The following LNPEP variants were observed in gnomAD, a reference collection of about 807,000 sequenced individuals.
The protein encoded by LNPEP is leucyl and cystinyl aminopeptidase, also known as leucyl-cystinyl aminopeptidase.
Under a neutral mutation model 120.6 loss-of-function variants are expected in LNPEP, and 64 were observed. The observed-to-expected ratio is 0.53, with a 90% CI of 0.43 to 0.65. The LOEUF (loss-of-function observed/expected upper bound fraction) is 0.65, where lower values mean the gene tolerates loss of function less well. LNPEP is among the 30% of genes least tolerant of loss of function. The probability of loss-of-function intolerance (pLI) is 0.00; values close to 1 mark genes in which losing one functional copy is unlikely to be tolerated. For missense variants in LNPEP, 1,057 were observed against 1,200.0 expected (o/e 0.88, Z 1.76); for synonymous variants, 435 against 425.4 (o/e 1.02, Z -0.28).
intron 11 of LNPEP, 59 bp from the exon 12 acceptor site, chr5:97,013,587 ATT>A: frequency 3.2e-6 from 3 of 932,732 alleles, no homozygotes; most frequent in Non-Finnish European, 3.0e-6. Flanking sequence ...AGCACTCATA[ATT>A]TTTTTTTCTT....
intron 13 of LNPEP, among the ~76,000 whole-genome samples, chr5:97,017,492 A>G (rs1392510095): frequency 6.6e-6 from 1 of 152,070 alleles, no homozygotes; most frequent in Non-Finnish European, 1.5e-5. Context: ...CTAGCTTATG[A>G]AATCTTTTCC....
chr5:96,963,413 T>A (rs1310555603), intron 1 of LNPEP, among the ~76,000 whole-genome samples: 1 of 152,152 alleles, frequency 6.6e-6, no homozygotes, highest in Non-Finnish European at 1.5e-5. Flanking sequence ...CTTGTAGCAG[T>A]CATCATCTGG....
intron 11 of LNPEP, among the ~76,000 whole-genome samples, chr5:97,012,572 A>G (rs1790963797): frequency 6.6e-6 from 1 of 152,198 alleles, no homozygotes; most frequent in Non-Finnish European, 1.5e-5. Context: ...CAGTAAGCAA[A>G]ATAGTAAGCT....
chr5:96,984,358 G>A (rs553611323), intron 2 of LNPEP, among the ~76,000 whole-genome samples: 1 of 152,300 alleles, frequency 6.6e-6, no homozygotes, highest in East Asian at 1.9e-4. Context: ...GAGTCTTGAA[G>A]ACCTTCCTCT....
At chr5:96,995,240 T>G (rs1362988807) in intron 6 of LNPEP, among the ~76,000 whole-genome samples, 2 of 152,218 alleles carry the variant, frequency 1.3e-5, no homozygotes, top group Non-Finnish European at 2.9e-5. Context: ...ATCATCTTCC[T>G]CTGAAACAGG....
intron 1 of LNPEP, among the ~76,000 whole-genome samples, chr5:96,942,058 A>AAAT (rs1397812590): frequency 6.6e-6 from 1 of 152,186 alleles, no homozygotes; most frequent in Non-Finnish European, 1.5e-5. Context: ...CTCAGGGGAC[A>AAAT]AATGAGTTAA....
In LNPEP at chr5:96,954,616, C is replaced by A. The variant is rs867999482; in HGVS notation, c.19+18442C>A. Among the ~76,000 whole-genome samples, 42 of 68,564 alleles carry A rather than the reference C, an allele frequency of 6.1e-4. 5 individuals carry two copies. Among genetic ancestry groups the A allele is most frequent in the Middle Eastern group, 0.014 (2 of 148 alleles). 45.0% of individuals were successfully genotyped at this position (68,564 alleles called of 152,430 possible). ...CTTGCAAGTCTCTCTCTCTCTCTCT[C>A]TCTATATATATATATACATATATAC... On this transcript the variant is annotated intron_variant, in intron 1 of 17. Coordinates refer to ENST00000231368, the MANE Select transcript of LNPEP (RefSeq NM_005575.3).
intron 1 of LNPEP, among the ~76,000 whole-genome samples, chr5:96,950,013 T>C (rs1000581806): frequency 3.3e-5 from 5 of 152,192 alleles, no homozygotes; most frequent in Non-Finnish European, 7.4e-5. Flanking sequence ...TCCAAATCAT[T>C]TTTTGGAACA....
At chr5:96,991,526 T>C (rs961589219) in intron 4 of LNPEP, among the ~76,000 whole-genome samples, 7 of 152,104 alleles carry the variant, frequency 4.6e-5, no homozygotes, top group African/African-American at 1.7e-4. Flanking sequence ...GTGGTATCGC[T>C]TTGTGGTTTT....
At chr5:96,975,721 T>G (rs147410098) in intron 1 of LNPEP, among the ~76,000 whole-genome samples, 2 of 152,164 alleles carry the variant, frequency 1.3e-5, no homozygotes, top group African/African-American at 4.8e-5. Context: ...TTATACATTA[T>G]TAAATTCAAT....
chr5:97,009,747 T>C (rs932529288), intron 11 of LNPEP, among the ~76,000 whole-genome samples: 1 of 152,250 alleles, frequency 6.6e-6, no homozygotes, highest in Admixed American at 6.5e-5. Flanking sequence ...TGAAAACTTC[T>C]GTCCTTACGT....
At chr5:96,979,092 T>C in intron 1 of LNPEP, 46 bp from the exon 2 acceptor site, 1 of 1,526,026 alleles carries the variant, frequency 6.6e-7, no homozygotes, top group Middle Eastern at 1.8e-4. Context: ...TTATGAGCTT[T>C]TTTTTTTCTA....
intron 1 of LNPEP, among the ~76,000 whole-genome samples, chr5:96,951,319 C>T (rs1789317690): frequency 6.6e-6 from 1 of 151,804 alleles, no homozygotes. Context: ...AGTGCAGTGG[C>T]GCGATCTCAG....
At position 96,945,977 on chromosome 5, in the gene LNPEP, G is replaced by A. The variant is rs551347965; in HGVS notation, c.19+9803G>A. 2.0e-5 allele frequency among the ~76,000 whole-genome samples: 3 copies of A among 152,302 alleles called. No homozygotes were observed. The South Asian group carries it at 6.2e-4, about 32-fold the overall frequency. On this transcript the variant is annotated intron_variant, in intron 1 of 17. Transcript: ENST00000231368. ...AAAGTGCTTTGAAGACAGAAAGAAT[G>A]TAATACATGTCTGGTGTCTGCTTGT...
At chr5:96,954,718 A>G (rs1789407243) in intron 1 of LNPEP, among the ~76,000 whole-genome samples, 2 of 120,548 alleles carry the variant, frequency 1.7e-5, no homozygotes, top group African/African-American at 3.2e-5. Flanking sequence ...ATACACATAT[A>G]TATACATATA....
At chr5:96,986,034 A>T (rs1228366467) in intron 3 of LNPEP, among the ~76,000 whole-genome samples, 4 of 151,966 alleles carry the variant, frequency 2.6e-5, no homozygotes, top group African/African-American at 9.6e-5. Flanking sequence ...ACATTCCCTC[A>T]TTTTGTGTCT....
Position 97,036,907 on chromosome 5 carries a change from T to C in LNPEP, c.*8374T>C, listed in dbSNP as rs1791581682. 1 of 152,154 alleles carries C rather than the reference T, an allele frequency of 6.6e-6. No homozygotes were observed. The allele number at this position is 152,154 out of a possible 1,614,324, so 9.4% of individuals were successfully genotyped here. A position where few individuals can be genotyped will look rare whatever the true frequency, so the allele number is the denominator to read the frequency against. ...ACCTTTTTGGAGTTAGTCATGGTAG[T>C]CATTAGTGATATTTCTGAACAGTTC... On this transcript the variant is annotated 3_prime_UTR_variant, in exon 18 of 18. Transcript: ENST00000231368.
intron 2 of LNPEP, 149 bp downstream of exon 2, chr5:96,980,127 A>G: frequency 1.4e-6 from 1 of 728,760 alleles, no homozygotes; most frequent in Non-Finnish European, 2.2e-6. Context: ...ATTTAGAACA[A>G]TATATTATCT....
chr5:96,984,954 C>T, intron 2 of LNPEP, 126 bp from the exon 3 acceptor site: 2 of 991,132 alleles, frequency 2.0e-6, no homozygotes, highest in Non-Finnish European at 3.0e-6. Context: ...AAACCTCTGC[C>T]TTTCCCAGTT....
Sources: gnomAD v4.1 joint callset for allele counts (sites outside exome capture counted in the v4.1 genomes callset) on GRCh38, gnomAD v4.1.1 for gene constraint, MANE v1.5 for transcripts, NCBI Gene and HGNC (gene_info 2026-07-23, HGNC 2026-07-21) for gene names.